RFTN1: variants seen among roughly 807,000 people sequenced by gnomAD.
RFTN1 encodes raftlin.
RFTN1 carries 26 observed loss-of-function variants against 46.5 expected under a neutral mutation model. The ratio of observed to expected loss-of-function variants is 0.56; its 90% CI spans 0.41 to 0.78. RFTN1 has a LOEUF of 0.78. RFTN1 is among the 30% of genes least tolerant of loss of function. RFTN1 has a pLI of 0.00. For synonymous variants in RFTN1, 261 were observed against 284.2 expected (o/e 0.92, Z 0.82); for missense variants, 693 against 718.7 (o/e 0.96, Z 0.41).
chr3:16,492,464 C>T (rs1455754271), intron 2 of RFTN1, among the ~76,000 whole-genome samples: 1 of 152,130 alleles, frequency 6.6e-6, no homozygotes, highest in Non-Finnish European at 1.5e-5. Context: ...GAGGACACTG[C>T]TATAGATGAG....
intron 2 of RFTN1, among the ~76,000 whole-genome samples, chr3:16,478,547 T>C (rs932662702): frequency 4.6e-5 from 7 of 152,198 alleles, no homozygotes; most frequent in Non-Finnish European, 4.4e-5. Context: ...CACAAAACAG[T>C]GGCTTAAAAC....
intron 2 of RFTN1, among the ~76,000 whole-genome samples, chr3:16,436,104 A>G (rs1029849502): frequency 3.3e-5 from 5 of 151,588 alleles, no homozygotes; most frequent in African/African-American, 1.2e-4. Flanking sequence ...GTGACATGGT[A>G]ACTTATATTT....
rs149287381 is a variant in RFTN1 at position 16,481,798 on chromosome 3, G to A, written c.145+11927C>T. ...AGTCAATGTTACCTAGAGGAGCAAG[G>A]AGCGATTTTCTAGGAAAGAAAAATG... On this transcript the variant is annotated intron_variant, in intron 2 of 9. Coordinates refer to ENST00000334133, the MANE Select transcript of RFTN1 (RefSeq NM_015150.2). This position sits in a 1 kb window ranked among gnomAD's most constrained non-coding sequence, Gnocchi z 5.1. Among the ~76,000 whole-genome samples the A allele has an allele frequency of 6.6e-6, 1 of 152,216 alleles. No homozygotes were observed. The highest frequency in any genetic ancestry group is 1.5e-5 in the Non-Finnish European group (1 of 68,014).
In RFTN1 at chr3:16,364,971, A is replaced by T. The variant is rs545428703; in HGVS notation, c.1030+5105T>A. Among the ~76,000 whole-genome samples the T allele has an allele frequency of 2.6e-5, 4 of 152,342 alleles. No homozygotes were observed. The East Asian group carries it at 7.7e-4, about 29-fold the overall frequency. ...GACATGGGTGTGCTCACCTTGTGAA[A>T]AGCCACTGAGCTATATCCTATGATC... is the stretch of plus-strand genomic sequence containing the variant. On this transcript the variant is annotated intron_variant, in intron 6 of 9. Coordinates refer to ENST00000334133, the MANE Select transcript of RFTN1 (RefSeq NM_015150.2).
chr3:16,366,496 G>A (rs771879233), intron 6 of RFTN1, among the ~76,000 whole-genome samples: 7 of 152,060 alleles, frequency 4.6e-5, no homozygotes, highest in Non-Finnish European at 1.0e-4. Flanking sequence ...GAGTGACCTT[G>A]GAGTCCTCCT....
At position 16,361,101 on chromosome 3, in the gene RFTN1, C is replaced by G. The variant is rs2072796957; in HGVS notation, c.1031-3054G>C. Among the ~76,000 whole-genome samples the G allele has an allele frequency of 6.6e-6, 1 of 152,182 alleles. No individual in the cohort carries two copies. Among genetic ancestry groups the G allele is most frequent in the African/African-American group, 2.4e-5 (1 of 41,442 alleles). ...ACAAAGAATTTCCTTTTTCTCTCCTCTACAAGGCTCTTGAAGGCCTAACTA... is the reference window on the plus strand; with the variant it reads ...ACAAAGAATTTCCTTTTTCTCTCCTGTACAAGGCTCTTGAAGGCCTAACTA... On this transcript the variant is annotated intron_variant, in intron 6 of 9. Transcript: ENST00000334133. The surrounding 1 kb of genome is among the most constrained non-coding windows in gnomAD (Gnocchi z 4.3).
rs775864078 is a variant in RFTN1 at position 16,316,976 on chromosome 3, C to T, written c.1589G>A (p.Gly530Asp). Residue 530 changes from glycine (G) to aspartate (D), a missense_variant, in exon 10 of 10, where the codon GGT (glycine) becomes GAT (aspartate). Coordinates refer to ENST00000334133, the MANE Select transcript of RFTN1 (RefSeq NM_015150.2). The surrounding 1 kb of genome is among the most constrained non-coding windows in gnomAD (Gnocchi z 4.5). ...LSPGGLLCGV[G>D]VEGEAVQNGP... ...ATTCTGCACAGCCTCACCCTCCACA[C>T]CCACCCCACACAGCAGGCCACCAGG... 1 of 1,614,036 alleles carries T rather than the reference C, an allele frequency of 6.2e-7. No homozygotes were observed. The highest frequency in any genetic ancestry group is 1.1e-5 in the South Asian group (1 of 91,080).
intron 4 of RFTN1, among the ~76,000 whole-genome samples, chr3:16,405,268 C>T (rs559938465): frequency 1.1e-4 from 16 of 152,286 alleles, no homozygotes; most frequent in African/African-American, 3.9e-4. Context: ...TCTCTCACAG[C>T]TTCTCAATTT....
rs908358068 is a variant in RFTN1, at chr3:16,384,421, A to G, written c.442-6319T>C. 2.0e-5 allele frequency among the ~76,000 whole-genome samples: 3 copies of G among 152,220 alleles called. No homozygotes were observed. The highest frequency in any genetic ancestry group is 2.9e-5 in the Non-Finnish European group (2 of 68,038). On this transcript the variant is annotated intron_variant, in intron 4 of 9. Transcript: ENST00000334133. This position sits in a 1 kb window ranked among gnomAD's most constrained non-coding sequence, Gnocchi z 4.7. ...GGCTCCCAAATGACAGTGAGCCCCA[A>G]ACAGAAACAAGACAACTAGGACTTC... is the stretch of plus-strand genomic sequence containing the variant.
intron 3 of RFTN1, among the ~76,000 whole-genome samples, chr3:16,415,814 C>G (rs2075068195): frequency 6.6e-6 from 1 of 152,156 alleles, no homozygotes. Context: ...ATAATCTTCT[C>G]TCCAAGTTAC....
chr3:16,510,796 A>G (rs565804291), intron 1 of RFTN1, among the ~76,000 whole-genome samples: 1 of 152,352 alleles, frequency 6.6e-6, no homozygotes, highest in Non-Finnish European at 1.5e-5. Context: ...AAATGAGAAC[A>G]CATGTCCCTA....
intron 7 of RFTN1, among the ~76,000 whole-genome samples, chr3:16,332,455 A>G (rs1462180962): frequency 6.7e-6 from 1 of 148,910 alleles, no homozygotes; most frequent in Non-Finnish European, 1.5e-5. Context: ...TGCTTCATGG[A>G]TACATTTATT....
chr3:16,336,010 G>C lies in RFTN1; in HGVS notation c.1147-9134C>G, dbSNP rs751576318. Among the ~76,000 whole-genome samples, 116 of 152,312 alleles carry C rather than the reference G, an allele frequency of 7.6e-4. 1 individual carries two copies. Among genetic ancestry groups the C allele is most frequent in the South Asian group, 1.2e-3 (6 of 4,826 alleles). ...CCTGGGCCCTGCTCAGCACACGCTG[G>C]CTATAGCGGCACTCGAGGAGGGTAG... On this transcript the variant is annotated intron_variant, in intron 7 of 9. Coordinates refer to ENST00000334133, the MANE Select transcript of RFTN1 (RefSeq NM_015150.2). This position sits in a 1 kb window ranked among gnomAD's most constrained non-coding sequence, Gnocchi z 6.0.
chr3:16,487,527 G>A (rs2076469000), intron 2 of RFTN1, among the ~76,000 whole-genome samples: 1 of 152,222 alleles, frequency 6.6e-6, no homozygotes, highest in Non-Finnish European at 1.5e-5. Context: ...TAGTGTGACA[G>A]AAGAACAGAA....
rs557468831 is a variant in RFTN1 at position 16,493,659 on chromosome 3, C to T, written c.145+66G>A. 9 of 1,356,962 alleles carry T rather than the reference C, an allele frequency of 6.6e-6. No individual in the cohort carries two copies. The Admixed American group carries it at 9.8e-5, about 15-fold the overall frequency. The allele number at this position is 1,356,962 out of a possible 1,614,324, so 84.1% of individuals were successfully genotyped here. ...CCCATCCAGCTCTCCAACTGCACCC[C>T]CATCCCCTGCAGGCCCCTGCTGGAG... On this transcript the variant is annotated intron_variant, in intron 2 of 9. Transcript: ENST00000334133.
At chr3:16,339,707 C>G in intron 7 of RFTN1, 1 of 152,230 alleles carries the variant, frequency 6.6e-6, no homozygotes, top group Admixed American at 6.5e-5. Context: ...ACCATTTCCA[C>G]ATATTGATCA....
chr3:16,409,400 T>C lies in RFTN1; in HGVS notation c.416A>G (p.Lys139Arg), dbSNP rs1374949584. Residue 139 changes from lysine to arginine, a missense_variant, in exon 4 of 10, where the codon AAA (lysine) becomes AGA (arginine). By Grantham distance (26) the Lys-to-Arg change is conservative (BLOSUM62 2). Coordinates refer to ENST00000334133, the MANE Select transcript of RFTN1 (RefSeq NM_015150.2). ...CSSLDHPTDQKLIPEFIKKIQ... is the reference protein window; with the variant it reads ...CSSLDHPTDQRLIPEFIKKIQ... The stretch of plus-strand genomic sequence containing the variant: ...CTTCTTAATGAACTCTGGGATGAGT[T>C]TCTGGTCTGTCGGGTGGTCTAAGGA... 1 of 1,612,712 alleles carries C rather than the reference T, an allele frequency of 6.2e-7. No individual in the cohort carries two copies. Among genetic ancestry groups the C allele is most frequent in the South Asian group, 1.1e-5 (1 of 91,042 alleles).
chr3:16,474,377 A>G lies in RFTN1; in HGVS notation c.145+19348T>C, dbSNP rs996816345. 2.6e-5 allele frequency among the ~76,000 whole-genome samples: 4 copies of G among 152,220 alleles called. No individual in the cohort carries two copies. Among genetic ancestry groups the G allele is most frequent in the African/African-American group, 9.6e-5 (4 of 41,464 alleles). On this transcript the variant is annotated intron_variant, in intron 2 of 9. Coordinates refer to ENST00000334133, the MANE Select transcript of RFTN1 (RefSeq NM_015150.2). This position sits in a 1 kb window ranked among gnomAD's most constrained non-coding sequence, Gnocchi z 5.5. The stretch of plus-strand genomic sequence containing the variant: ...TGCTTTTAATCACTCTGCCAGCACT[A>G]TTCCCTGACATGCAGGGTGATGGAC...
chr3:16,372,194 A>C (rs1052402512), intron 5 of RFTN1, among the ~76,000 whole-genome samples: 36 of 152,214 alleles, frequency 2.4e-4, no homozygotes, highest in Non-Finnish European at 3.4e-4. Context: ...GGCAACAGGA[A>C]GGAGCTGGAG....
Sources: allele counts gnomAD v4.1 joint callset (sites outside exome capture counted in the v4.1 genomes callset), GRCh38; gene constraint gnomAD v4.1.1; non-coding constraint Gnocchi (gnomAD v3.1); transcripts MANE v1.5; gene names NCBI Gene and HGNC (gene_info 2026-07-23, HGNC 2026-07-21).